The following ITPK1 variants were observed in gnomAD, a reference collection of about 807,000 sequenced individuals.
The protein encoded by ITPK1 is inositol 1,3,4-trisphosphate 5/6-kinase.
In ITPK1, 21 loss-of-function variants were observed where a neutral mutation model predicts 45.3. The ratio of observed to expected loss-of-function variants is 0.46; its 90% CI spans 0.33 to 0.67. ITPK1 has a LOEUF of 0.67. ITPK1 is among the 30% of genes least tolerant of loss of function. The pLI is 0.02. For synonymous variants in ITPK1, 258 were observed against 253.6 expected, an observed-to-expected ratio of 1.02 and a Z score of -0.16; for missense variants, 474 against 573.5, an observed-to-expected ratio of 0.83 and a Z score of 1.77.
intron 8 of ITPK1, among the ~76,000 whole-genome samples, chr14:92,957,545 GA>G (rs557180394): frequency 4.3e-4 from 65 of 152,328 alleles, no homozygotes; most frequent in African/African-American, 1.6e-3. Flanking sequence ...TGCTCCCTGG[GA>G]GGCTGCTTCT....
At chr14:92,964,092 T>C (rs939517806) in intron 5 of ITPK1, among the ~76,000 whole-genome samples, 1 of 152,174 alleles carries the variant, frequency 6.6e-6, no homozygotes, top group African/African-American at 2.4e-5. Flanking sequence ...GCATATAAAA[T>C]TGCTTTTATC....
chr14:92,964,634 G>T (rs570280872), intron 5 of ITPK1, among the ~76,000 whole-genome samples: 1 of 152,216 alleles, frequency 6.6e-6, no homozygotes, highest in Admixed American at 6.5e-5. Context: ...GGCAGGCTTC[G>T]GACGGGCGCT....
In ITPK1 at chr14:92,940,301, C is replaced by G. The variant is rs1207091459; in HGVS notation, c.*1260G>C. On this transcript the variant is annotated 3_prime_UTR_variant, in exon 11 of 11. Transcript: ENST00000267615. ...ACTTGTGGGGGCTGATGCCTCTCACCCAGCACCCCACATCTTCCAGGACTG... is the reference window on the plus strand; with the variant it reads ...ACTTGTGGGGGCTGATGCCTCTCACGCAGCACCCCACATCTTCCAGGACTG... 1.0e-6 allele frequency: 1 copy of G among 990,112 alleles called. No individual in the cohort carries two copies. Among genetic ancestry groups the G allele is most frequent in the African/African-American group, 1.7e-5 (1 of 57,268 alleles). 61.3% of individuals were successfully genotyped at this position (990,112 alleles called of 1,614,324 possible).
At chr14:92,949,689 C>G (rs954756764) in intron 9 of ITPK1, among the ~76,000 whole-genome samples, 4 of 152,252 alleles carry the variant, frequency 2.6e-5, no homozygotes, top group African/African-American at 9.6e-5. Context: ...AGCACAGGCC[C>G]AGCAGCAAGG....
At position 92,939,656 on chromosome 14, in the gene ITPK1, T is replaced by A. The variant is rs1887258031; in HGVS notation, c.*1905A>T. The stretch of plus-strand genomic sequence containing the variant: ...GACACCACATGGCAGTTACTCGGTA[T>A]CTGGGCCCTGGACGCGCAAGACCCC... On this transcript the variant is annotated 3_prime_UTR_variant, in exon 11 of 11. Transcript: ENST00000267615. 1.0e-6 allele frequency: 1 copy of A among 984,430 alleles called. No homozygotes were observed. Among genetic ancestry groups the A allele is most frequent in the African/African-American group, 1.7e-5 (1 of 57,168 alleles). 61.0% of individuals were successfully genotyped at this position (984,430 alleles called of 1,614,324 possible). A position where few individuals can be genotyped will look rare whatever the true frequency, so the allele number is the denominator to read the frequency against.
At chr14:93,015,823 G>C (rs1219009194) in intron 4 of ITPK1, among the ~76,000 whole-genome samples, 1 of 152,226 alleles carries the variant, frequency 6.6e-6, no homozygotes, top group Non-Finnish European at 1.5e-5. Flanking sequence ...AGTGTCGGCA[G>C]GACGGCAGCA....
At chr14:93,021,490 G>T (rs1455414043) in intron 3 of ITPK1, among the ~76,000 whole-genome samples, 1 of 152,152 alleles carries the variant, frequency 6.6e-6, no homozygotes, top group African/African-American at 2.4e-5. Flanking sequence ...CTACTTGGGA[G>T]GCTGAGGTGG....
chr14:93,000,249 C>T (rs541458092), intron 4 of ITPK1, among the ~76,000 whole-genome samples: 1 of 152,270 alleles, frequency 6.6e-6, no homozygotes, highest in East Asian at 1.9e-4. Context: ...TTTCACTTCT[C>T]TTGGGTGTAT....
intron 3 of ITPK1, among the ~76,000 whole-genome samples, chr14:93,065,185 T>A (rs1308222701): frequency 2.0e-5 from 3 of 152,192 alleles, no homozygotes; most frequent in Admixed American, 6.5e-5. Context: ...AGGAGACTCA[T>A]CCCTGGTCAG....
Position 92,958,133 on chromosome 14 carries a change from A to G in ITPK1, c.670+68T>C. On this transcript the variant is annotated intron_variant, in intron 8 of 10. Transcript: ENST00000267615. This position sits in a 1 kb window ranked among gnomAD's most constrained non-coding sequence, Gnocchi z 4.4. ...GTTGGGGCAGTGCCGAAGGACAGAC[A>G]GCTGCTGCCACATCCCAGCTGGGCC... The G allele has an allele frequency of 1.3e-6, 2 of 1,504,356 alleles. No homozygotes were observed. Among genetic ancestry groups the G allele is most frequent in the Non-Finnish European group, 1.8e-6 (2 of 1,081,984 alleles). The allele number at this position is 1,504,356 out of a possible 1,614,324, so 93.2% of individuals were successfully genotyped here.
At chr14:93,048,054 A>G (rs1471339839) in intron 3 of ITPK1, among the ~76,000 whole-genome samples, 1 of 152,146 alleles carries the variant, frequency 6.6e-6, no homozygotes, top group Non-Finnish European at 1.5e-5. Context: ...TTTCCTTAAG[A>G]TTTTTCTTTC....
chr14:93,034,280 C>A lies in ITPK1; in HGVS notation c.121-17479G>T, dbSNP rs955728320. ...CACCCACCCCCAACACTCCCCCACCCCCTGTCGGAGCAGGAAGATGCTCTG... is the reference window on the plus strand; with the variant it reads ...CACCCACCCCCAACACTCCCCCACCACCTGTCGGAGCAGGAAGATGCTCTG... On this transcript the variant is annotated intron_variant, in intron 3 of 10. Transcript: ENST00000267615. The surrounding 1 kb of genome is among the most constrained non-coding windows in gnomAD (Gnocchi z 4.1). Among the ~76,000 whole-genome samples, 1 of 151,678 alleles carries A rather than the reference C, an allele frequency of 6.6e-6. No homozygotes were observed. The highest frequency in any genetic ancestry group is 2.4e-5 in the African/African-American group (1 of 41,264).
chr14:93,110,166 T>C (rs1892689163), intron 2 of ITPK1, among the ~76,000 whole-genome samples: 1 of 152,086 alleles, frequency 6.6e-6, no homozygotes, highest in Non-Finnish European at 1.5e-5. Context: ...GTCCCTTCAA[T>C]AGATCCATGT....
intron 4 of ITPK1, among the ~76,000 whole-genome samples, chr14:93,003,291 A>G (rs905053492): frequency 6.6e-6 from 1 of 152,224 alleles, no homozygotes; most frequent in African/African-American, 2.4e-5. Context: ...TGGGAAGGAC[A>G]AGTAATGAAC....
intron 3 of ITPK1, among the ~76,000 whole-genome samples, chr14:93,044,141 T>G (rs1002923782): frequency 6.6e-6 from 1 of 151,728 alleles, no homozygotes; most frequent in Non-Finnish European, 1.5e-5. Context: ...AAATGGAGGG[T>G]CACAAACTGA....
rs893475970 is a variant in ITPK1, at chr14:93,012,203, G to C, written c.246+4473C>G. ...GCGGCAATGGGAACACCAGCTGCTG[G>C]GAGCAGACACAATCCCTGCCGCAGT... On this transcript the variant is annotated intron_variant, in intron 4 of 10. Coordinates refer to ENST00000267615, the MANE Select transcript of ITPK1 (RefSeq NM_014216.6). This position sits in a 1 kb window ranked among gnomAD's most constrained non-coding sequence, Gnocchi z 4.9. Among the ~76,000 whole-genome samples, 2 of 152,192 alleles carry C rather than the reference G, an allele frequency of 1.3e-5. No individual in the cohort carries two copies. The highest frequency in any genetic ancestry group is 2.9e-5 in the Non-Finnish European group (2 of 68,038).
chr14:92,953,372 T>A (rs906397664), intron 8 of ITPK1, among the ~76,000 whole-genome samples: 6 of 152,190 alleles, frequency 3.9e-5, no homozygotes, highest in African/African-American at 1.4e-4. Context: ...GGGAGGAGCC[T>A]GGGGAAAATA....
At chr14:93,029,343 C>T (rs1378642668) in intron 3 of ITPK1, among the ~76,000 whole-genome samples, 3 of 152,236 alleles carry the variant, frequency 2.0e-5, no homozygotes, top group Middle Eastern at 3.4e-3. Context: ...TTAGTTGTGT[C>T]TGTGTTGGAC....
At chr14:92,962,106 C>A (rs1373907060) in intron 7 of ITPK1, among the ~76,000 whole-genome samples, 1 of 152,208 alleles carries the variant, frequency 6.6e-6, no homozygotes, top group African/African-American at 2.4e-5. Context: ...CAGGTGGGTC[C>A]CCAGCACATC....
Sources: allele counts gnomAD v4.1 joint callset (sites outside exome capture counted in the v4.1 genomes callset), GRCh38; gene constraint gnomAD v4.1.1; non-coding constraint Gnocchi (gnomAD v3.1); transcripts MANE v1.5; gene names NCBI Gene and HGNC (gene_info 2026-07-23, HGNC 2026-07-21).